PGBD5: variants seen among roughly 807,000 people sequenced by gnomAD.
PGBD5 encodes the protein piggyBac transposable element-derived protein 5.
In PGBD5, 14 loss-of-function variants were observed where a neutral mutation model predicts 47.9. The ratio of observed to expected loss-of-function variants is 0.29; its 90% confidence interval spans 0.19 to 0.46. The LOEUF (loss-of-function observed/expected upper bound fraction) is 0.46, where lower values mean the gene tolerates loss of function less well. Ranked by LOEUF, PGBD5 falls within the 20% of genes least tolerant of loss-of-function variation. The pLI is 1.00. For synonymous variants in PGBD5, 316 were observed against 306.3 expected (o/e 1.03, Z -0.33); for missense variants, 635 against 716.0 (o/e 0.89, Z 1.29).
chr1:230,327,063 G>A (rs190305130), intron 5 of PGBD5, among the ~76,000 whole-genome samples: 33 of 151,948 alleles, frequency 2.2e-4, no homozygotes, highest in African/African-American at 4.6e-4. Context: ...TGCCCTATGC[G>A]CCACCCACCG....
At chr1:230,343,201 C>T (rs368897691) in intron 3 of PGBD5, among the ~76,000 whole-genome samples, 11 of 152,328 alleles carry the variant, frequency 7.2e-5, no homozygotes, top group African/African-American at 1.2e-4. Flanking sequence ...CCTTCAGCAC[C>T]GCTGACCCCT....
In PGBD5 at chr1:230,368,599, G is replaced by C. The variant is rs193125232; in HGVS notation, c.332-11278C>G. On this transcript the variant is annotated intron_variant, in intron 1 of 6. Transcript: ENST00000391860. ...GGGGGATGATGACTCTTCAGGGCTT[G>C]AGCGTAGTCAGCAGCATCCCTGCAG... Among the ~76,000 whole-genome samples, 82 of 152,366 alleles carry C rather than the reference G, an allele frequency of 5.4e-4. 1 individual carries two copies. Among genetic ancestry groups the C allele is most frequent in the African/African-American group, 1.5e-3 (61 of 41,584 alleles).
At chr1:230,399,310 A>G (rs1246806770) in intron 1 of PGBD5, among the ~76,000 whole-genome samples, 1 of 152,190 alleles carries the variant, frequency 6.6e-6, no homozygotes, top group Non-Finnish European at 1.5e-5. Flanking sequence ...TCATGAGAAC[A>G]GTCCCCCACT....
chr1:230,360,982 C>A (rs1454659849), intron 1 of PGBD5, among the ~76,000 whole-genome samples: 1 of 152,198 alleles, frequency 6.6e-6, no homozygotes, highest in Non-Finnish European at 1.5e-5. Context: ...AAGGACGCAG[C>A]CCAAGGGCAT....
At chr1:230,381,730 G>A (rs548740634) in intron 1 of PGBD5, among the ~76,000 whole-genome samples, 108 of 152,224 alleles carry the variant, frequency 7.1e-4, no homozygotes, top group Non-Finnish European at 1.3e-3. Flanking sequence ...CAGGGTTCCC[G>A]GAGCCGCCGT....
At chr1:230,330,754 AG>A (rs57055075) in intron 5 of PGBD5, among the ~76,000 whole-genome samples, 10,362 of 152,180 alleles carry the variant, frequency 0.068, 1,161 homozygotes, top group African/African-American at 0.23. Flanking sequence ...TGGAGTGGGG[AG>A]GGGGGCTACA....
In PGBD5 at chr1:230,324,686, C is replaced by T. The variant is rs372660987; in HGVS notation, c.1379+624G>A. On this transcript the variant is annotated intron_variant, in intron 6 of 6. Transcript: ENST00000391860. ...AATAGTTTCAATGTTCAATAGTCGT[C>T]ATTTTTTGAGTTCCCATCATGGTGG... 1.1e-4 allele frequency among the ~76,000 whole-genome samples: 17 copies of T among 152,272 alleles called. No individual in the cohort carries two copies. In the East Asian group the frequency reaches 1.5e-3, roughly 14 times the overall value.
rs1356868049 is a variant in PGBD5, at chr1:230,319,557, G to A, written c.*3868C>T. ...TGCTTGGTGACCCCCCCTCACTGTT[G>A]GGGGGGCTGAGCCTGGGTCCCTGGG... On this transcript the variant is annotated 3_prime_UTR_variant, in exon 7 of 7. Transcript: ENST00000391860. 2 of 150,472 alleles carry A rather than the reference G, an allele frequency of 1.3e-5. No homozygotes were observed. The highest frequency in any genetic ancestry group is 2.5e-5 in the African/African-American group (1 of 40,148). The allele number at this position is 150,472 out of a possible 1,614,324, so 9.3% of individuals were successfully genotyped here.
chr1:230,342,888 A>G (rs1667428126), intron 3 of PGBD5, among the ~76,000 whole-genome samples: 1 of 152,200 alleles, frequency 6.6e-6, no homozygotes, highest in African/African-American at 2.4e-5. Context: ...AAAATGAAAA[A>G]TTCAGGCCCG....
chr1:230,421,738 T>C (rs1377092907), intron 1 of PGBD5, among the ~76,000 whole-genome samples: 1 of 152,198 alleles, frequency 6.6e-6, no homozygotes, highest in Non-Finnish European at 1.5e-5. Context: ...TTGATTACTA[T>C]GTAGCTTTGC....
At chr1:230,373,094 A>C (rs1667953455) in intron 1 of PGBD5, among the ~76,000 whole-genome samples, 1 of 152,260 alleles carries the variant, frequency 6.6e-6, no homozygotes, top group Non-Finnish European at 1.5e-5. Flanking sequence ...AGGTGAGAAC[A>C]GAGTGGCCGC....
chr1:230,341,770 G>A (rs1396086917), intron 3 of PGBD5, among the ~76,000 whole-genome samples: 1 of 152,188 alleles, frequency 6.6e-6, no homozygotes, highest in Non-Finnish European at 1.5e-5. Context: ...GCAAAATGCA[G>A]CCAGTTATAG....
In PGBD5 at chr1:230,323,675, T is replaced by C; in HGVS notation, c.1380-55A>G. The C allele has an allele frequency of 6.6e-7, 1 of 1,515,184 alleles. No individual in the cohort carries two copies. The highest frequency in any genetic ancestry group is 8.9e-7 in the Non-Finnish European group (1 of 1,122,558). 93.9% of individuals were successfully genotyped at this position (1,515,184 alleles called of 1,614,324 possible). On this transcript the variant is annotated intron_variant, in intron 6 of 6. Coordinates refer to ENST00000391860, the MANE Select transcript of PGBD5 (RefSeq NM_001258311.2). This position sits in a 1 kb window ranked among gnomAD's most constrained non-coding sequence, Gnocchi z 4.1. ...CCCGATGGTTCATGGCACCCGGAGA[T>C]GCATCCCAAAGGCCCCCCCTCACCA...
At chr1:230,337,769 C>T (rs1427313049) in intron 3 of PGBD5, among the ~76,000 whole-genome samples, 2 of 152,152 alleles carry the variant, frequency 1.3e-5, no homozygotes, top group East Asian at 3.8e-4. Context: ...TATGATTCCC[C>T]TCACGGTGCA....
chr1:230,418,502 T>C (rs551669085), intron 1 of PGBD5, among the ~76,000 whole-genome samples: 10 of 152,228 alleles, frequency 6.6e-5, no homozygotes, highest in African/African-American at 2.2e-4. Flanking sequence ...TAAGAATGTT[T>C]TTCTTTTTTC....
chr1:230,358,365 T>C (rs544737226), intron 1 of PGBD5, among the ~76,000 whole-genome samples: 1 of 152,326 alleles, frequency 6.6e-6, no homozygotes, highest in East Asian at 1.9e-4. Flanking sequence ...GCTTTCATTT[T>C]CTGGTAAGTT....
Position 230,332,857 on chromosome 1 carries a change from G to A in PGBD5, c.1260C>T (p.Ser420=), listed in dbSNP as rs752531563. Residue 420 remains serine (S), a synonymous_variant, in exon 5 of 7, where the codon TCC becomes TCT. Coordinates refer to ENST00000391860, the MANE Select transcript of PGBD5 (RefSeq NM_001258311.2). The stretch of plus-strand genomic sequence containing the variant: ...ACCCGCACTCACCCTGCTGCACCGG[G>A]GAGTAGGCGTTGGTCAGGAAGCGGA... ...GHFRFLTNAY[S]PVQQGVIIKR... is the part of the protein sequence containing the mutation. 1.5e-5 allele frequency: 24 copies of A among 1,614,076 alleles called. No homozygotes were observed. Among genetic ancestry groups the A allele is most frequent in the Middle Eastern group, 3.3e-4 (2 of 6,084 alleles).
At chr1:230,384,682 A>G (rs1379566850) in intron 1 of PGBD5, among the ~76,000 whole-genome samples, 1 of 152,218 alleles carries the variant, frequency 6.6e-6, no homozygotes, top group Non-Finnish European at 1.5e-5. Context: ...GCAGAACAAG[A>G]GCACTAGGTG....
chr1:230,353,972 G>C (rs1028220039), intron 2 of PGBD5, among the ~76,000 whole-genome samples: 1 of 152,306 alleles, frequency 6.6e-6, no homozygotes, highest in African/African-American at 2.4e-5. Flanking sequence ...AGGGCGGGCC[G>C]ATGCTGGCAA....
Sources: gnomAD v4.1 joint callset for allele counts (sites outside exome capture counted in the v4.1 genomes callset) on GRCh38, gnomAD v4.1.1 for gene constraint, Gnocchi (gnomAD v3.1) non-coding constraint, MANE v1.5 for transcripts, NCBI Gene and HGNC (gene_info 2026-07-23, HGNC 2026-07-21) for gene names.